PARD3: variants seen among roughly 807,000 people sequenced by gnomAD.
The protein encoded by PARD3 is par-3 family cell polarity regulator.
PARD3 carries 75 observed loss-of-function variants against 155.4 expected under a neutral mutation model. That is an observed-to-expected ratio of 0.48 (90% confidence interval 0.40 to 0.58). The LOEUF (loss-of-function observed/expected upper bound fraction) is 0.58, where lower values mean the gene tolerates loss of function less well. PARD3 is among the 20% of genes least tolerant of loss of function. The pLI, the probability that PARD3 is intolerant of heterozygous loss-of-function variation, is 0.00. For missense variants in PARD3, 1,642 were observed against 1,721.7 expected (o/e 0.95, Z 0.82); for synonymous variants, 576 against 610.5 (o/e 0.94, Z 0.83).
At chr10:34,735,970 C>A (rs1564562666) in intron 1 of PARD3, among the ~76,000 whole-genome samples, 2 of 152,124 alleles carry the variant, frequency 1.3e-5, no homozygotes, top group Admixed American at 1.3e-4. Flanking sequence ...AGTCATCAAT[C>A]CTTCTGCCCT....
chr10:34,237,691 T>G (rs1246391340), intron 22 of PARD3, among the ~76,000 whole-genome samples: 1 of 152,200 alleles, frequency 6.6e-6, no homozygotes, highest in Non-Finnish European at 1.5e-5. Flanking sequence ...GACATTTGAT[T>G]AGGACATTAT....
chr10:34,315,880 G>A (rs912385817), intron 20 of PARD3, among the ~76,000 whole-genome samples: 16 of 152,154 alleles, frequency 1.1e-4, no homozygotes, highest in Admixed American at 4.6e-4. Flanking sequence ...AGAAAATACT[G>A]CTCATAGGCC....
At chr10:34,393,342 G>A (rs1417975922) in intron 7 of PARD3, among the ~76,000 whole-genome samples, 1 of 151,996 alleles carries the variant, frequency 6.6e-6, no homozygotes, top group Non-Finnish European at 1.5e-5. Context: ...CACTTTGGGA[G>A]GACAAAGCTG....
chr10:34,222,969 C>T (rs34846718), intron 22 of PARD3, among the ~76,000 whole-genome samples: 4,013 of 152,332 alleles, frequency 0.026, 91 homozygotes, highest in Non-Finnish European at 0.039. Context: ...AAAACCTTTT[C>T]GCAGGTGTAC....
At chr10:34,786,253 A>G (rs1001125986) in intron 1 of PARD3, among the ~76,000 whole-genome samples, 2 of 152,200 alleles carry the variant, frequency 1.3e-5, no homozygotes, top group Non-Finnish European at 2.9e-5. Context: ...AGCCCACTCA[A>G]TGTCCCATCC....
chr10:34,746,532 G>A (rs1835357724), intron 1 of PARD3, among the ~76,000 whole-genome samples: 1 of 152,118 alleles, frequency 6.6e-6, no homozygotes, highest in Admixed American at 6.5e-5. Flanking sequence ...TCAAATTTAA[G>A]ATTCTATGTA....
chr10:34,212,665 G>C (rs972195724), intron 22 of PARD3, among the ~76,000 whole-genome samples: 1 of 152,048 alleles, frequency 6.6e-6, no homozygotes, highest in African/African-American at 2.4e-5. Flanking sequence ...TTGGGGCAGG[G>C]GGGGTTCTGA....
At chr10:34,164,671 T>C (rs1310163380) in intron 22 of PARD3, among the ~76,000 whole-genome samples, 1 of 152,236 alleles carries the variant, frequency 6.6e-6, no homozygotes, top group African/African-American at 2.4e-5. Context: ...ATGTGTTTTA[T>C]AGTTACAGCA....
chr10:34,355,474 CA>C (rs1246916987), intron 14 of PARD3, among the ~76,000 whole-genome samples: 1 of 152,100 alleles, frequency 6.6e-6, no homozygotes, highest in Non-Finnish European at 1.5e-5. Flanking sequence ...ATTAGGTGCC[CA>C]TAAGACATAC....
intron 2 of PARD3, among the ~76,000 whole-genome samples, chr10:34,657,624 C>T (rs760870682): frequency 7.2e-5 from 11 of 152,056 alleles, no homozygotes; most frequent in African/African-American, 2.4e-4. Context: ...CTGCAACCTC[C>T]GCCTCCTGGG....
chr10:34,314,257 G>A (rs1379286011), intron 20 of PARD3, among the ~76,000 whole-genome samples: 1 of 151,742 alleles, frequency 6.6e-6, no homozygotes, highest in African/African-American at 2.4e-5. Flanking sequence ...CAAACAATCA[G>A]ATCCAGAAGG....
chr10:34,480,958 C>T (rs2079049203), intron 3 of PARD3, among the ~76,000 whole-genome samples: 1 of 151,868 alleles, frequency 6.6e-6, no homozygotes, highest in Non-Finnish European at 1.5e-5. Flanking sequence ...CCTGCCACCA[C>T]ATCTGCATAA....
chr10:34,622,135 T>C (rs1039652526), intron 2 of PARD3, among the ~76,000 whole-genome samples: 1 of 152,162 alleles, frequency 6.6e-6, no homozygotes, highest in Admixed American at 6.5e-5. Flanking sequence ...AAGAATAGAA[T>C]TCCTTAAACA....
rs1418851127 is a variant in PARD3, at chr10:34,359,146, C to T, written c.2067+1G>A. 1.2e-6 allele frequency: 2 copies of T among 1,608,046 alleles called. No individual in the cohort carries two copies. The highest frequency in any genetic ancestry group is 1.7e-5 in the Admixed American group (1 of 59,032). ...TACTAGCACTTTTTTGCATTTCTTA[C>T]CTCATTGCACTTGCTTATTCTCCTT... On this transcript the variant is annotated splice_donor_variant, in intron 14 of 24. Transcript: ENST00000374788. LOFTEE classifies it high-confidence loss of function.
intron 2 of PARD3, among the ~76,000 whole-genome samples, chr10:34,543,681 C>A (rs1019791190): frequency 6.6e-6 from 1 of 152,162 alleles, no homozygotes; most frequent in Non-Finnish European, 1.5e-5. Context: ...AAATCACAGT[C>A]TAAATGTTAG....
chr10:34,798,088 G>A (rs1462412840), intron 1 of PARD3, among the ~76,000 whole-genome samples: 1 of 152,084 alleles, frequency 6.6e-6, no homozygotes, highest in East Asian at 1.9e-4. Context: ...GGGAGGCTGA[G>A]GCAAGAGGAT....
intron 22 of PARD3, among the ~76,000 whole-genome samples, chr10:34,156,256 A>G (rs11009659): frequency 1.3e-3 from 198 of 152,210 alleles, no homozygotes; most frequent in African/African-American, 4.5e-3. Context: ...TACAGGTACA[A>G]GCCACTAATT....
At chr10:34,544,563 C>A (rs893907268) in intron 2 of PARD3, among the ~76,000 whole-genome samples, 18 of 152,122 alleles carry the variant, frequency 1.2e-4, no homozygotes, top group African/African-American at 4.3e-4. Context: ...GTGGTCCCTC[C>A]CAGTAGCACC....
At chr10:34,162,662 GAGA>G (rs1200387172) in intron 22 of PARD3, among the ~76,000 whole-genome samples, 1 of 152,198 alleles carries the variant, frequency 6.6e-6, no homozygotes, top group African/African-American at 2.4e-5. Context: ...TGCTGGGAAA[GAGA>G]AGAAGAGAGT....
Sources: gnomAD v4.1 joint callset for allele counts (sites outside exome capture counted in the v4.1 genomes callset) on GRCh38, gnomAD v4.1.1 for gene constraint, MANE v1.5 for transcripts, NCBI Gene and HGNC (gene_info 2026-07-23, HGNC 2026-07-21) for gene names.